TRAK1: variants seen among roughly 807,000 people sequenced by gnomAD.
TRAK1 encodes the protein trafficking kinesin-binding protein 1.
TRAK1 carries 33 observed loss-of-function variants against 92.1 expected under a neutral mutation model. The ratio of observed to expected loss-of-function variants is 0.36; its 90% CI spans 0.27 to 0.48. The LOEUF (loss-of-function observed/expected upper bound fraction) is 0.48, where lower values mean the gene tolerates loss of function less well. Ranked by LOEUF, TRAK1 falls within the 20% of genes least tolerant of loss-of-function variation. The pLI is 0.99. For missense variants in TRAK1, 1,123 were observed against 1,257.9 expected (o/e 0.89, Z 1.62); for synonymous variants, 521 against 517.3 (o/e 1.01, Z -0.10).
At chr3:42,019,110 TAAAAAA>T (rs1701638386) in intron 1 of TRAK1, among the ~76,000 whole-genome samples, 1 of 151,068 alleles carries the variant, frequency 6.6e-6, no homozygotes, top group South Asian at 2.1e-4. Context: ...AACAGAGTAT[TAAAAAA>T]GAAAAAGAAA....
intron 2 of TRAK1, among the ~76,000 whole-genome samples, chr3:42,132,794 C>T (rs1010816308): frequency 5.9e-5 from 9 of 152,170 alleles, no homozygotes; most frequent in Admixed American, 3.9e-4. Flanking sequence ...ATGTTGGTGA[C>T]TGCCAAATGT....
At chr3:42,064,348 A>G (rs1420584044) in intron 1 of TRAK1, among the ~76,000 whole-genome samples, 5 of 142,552 alleles carry the variant, frequency 3.5e-5, no homozygotes, top group African/African-American at 1.3e-4. Flanking sequence ...TCAAATGAAT[A>G]AATAAATAGA....
intron 1 of TRAK1, among the ~76,000 whole-genome samples, chr3:42,092,368 G>C (rs1705185951): frequency 6.6e-6 from 1 of 152,150 alleles, no homozygotes; most frequent in Non-Finnish European, 1.5e-5. Context: ...TCAGTTTTAG[G>C]CTTTAAAACA....
At chr3:42,184,239 A>C (rs779474855) in intron 3 of TRAK1, among the ~76,000 whole-genome samples, 1 of 152,224 alleles carries the variant, frequency 6.6e-6, no homozygotes. Flanking sequence ...TCTTGGCTTC[A>C]TTGTCAGAGC....
intron 2 of TRAK1, among the ~76,000 whole-genome samples, chr3:42,132,759 C>T (rs1052272539): frequency 2.6e-5 from 4 of 152,120 alleles, no homozygotes; most frequent in Non-Finnish European, 5.9e-5. Context: ...TATATCCTCT[C>T]TCCCAAGGCT....
At chr3:42,141,020 G>A (rs1273705906) in intron 2 of TRAK1, among the ~76,000 whole-genome samples, 1 of 152,218 alleles carries the variant, frequency 6.6e-6, no homozygotes, top group Non-Finnish European at 1.5e-5. Flanking sequence ...CTGATCACCT[G>A]TGAGGCATGG....
intron 1 of TRAK1, among the ~76,000 whole-genome samples, chr3:42,054,530 G>T (rs2148917811): frequency 6.6e-6 from 1 of 152,268 alleles, no homozygotes; most frequent in Non-Finnish European, 1.5e-5. Context: ...GCCAGACCAA[G>T]AACCAAGGAC....
At chr3:42,190,672 A>G (rs774412659) in intron 6 of TRAK1, among the ~76,000 whole-genome samples, 7 of 152,114 alleles carry the variant, frequency 4.6e-5, no homozygotes, top group Non-Finnish European at 8.8e-5. Context: ...CTGAAGTGTA[A>G]TGATTTTCTG....
Position 42,126,332 on chromosome 3 carries a change from G to T in TRAK1, c.286+718G>T, listed in dbSNP as rs547038231. On this transcript the variant is annotated intron_variant, in intron 2 of 15. Coordinates refer to ENST00000327628, the MANE Select transcript of TRAK1 (RefSeq NM_001042646.3). ...AATATGTGTACCAAGGCTGATAACT[G>T]TTGTGTGAAAGCTCACTAAGCTGGA... 1.2e-4 allele frequency among the ~76,000 whole-genome samples: 19 copies of T among 152,216 alleles called. No individual in the cohort carries two copies. The East Asian group carries it at 2.1e-3, about 17-fold the overall frequency.
chr3:42,210,079 CG>C, intron 14 of TRAK1, 94 bp downstream of exon 14: 1 of 1,587,106 alleles, frequency 6.3e-7, no homozygotes, highest in Non-Finnish European at 8.5e-7. Context: ...GAGCCGCCAG[CG>C]GCCACGGAGG....
intron 2 of TRAK1, chr3:42,149,212 A>G (rs1427457648): frequency 2.6e-6 from 3 of 1,157,550 alleles, no homozygotes; most frequent in African/African-American, 3.2e-5. Context: ...AGGCGTCTGG[A>G]TAGGACGATC....
At chr3:42,043,619 G>T (rs867975399) in intron 1 of TRAK1, among the ~76,000 whole-genome samples, 63 of 151,476 alleles carry the variant, frequency 4.2e-4, no homozygotes, top group Admixed American at 2.0e-3. Context: ...TGGAGCTGGG[G>T]GGGGGGCGGG....
intron 2 of TRAK1, chr3:42,160,165 G>A: frequency 7.8e-7 from 1 of 1,280,048 alleles, no homozygotes; most frequent in Non-Finnish European, 9.9e-7. Flanking sequence ...TCCGGGTCCT[G>A]CCCGGGTGAT....
chr3:42,047,558 C>T (rs887701062), intron 1 of TRAK1, among the ~76,000 whole-genome samples: 1 of 150,456 alleles, frequency 6.6e-6, no homozygotes, highest in Non-Finnish European at 1.5e-5. Context: ...TTAAGATTTA[C>T]TTTTTCTAAT....
At chr3:42,132,591 T>G in intron 2 of TRAK1, among the ~76,000 whole-genome samples, 1 of 152,158 alleles carries the variant, frequency 6.6e-6, no homozygotes, top group East Asian at 1.9e-4. Context: ...TATTTTATAT[T>G]GTTTTTTTCC....
chr3:42,174,670 A>T (rs1050210666), intron 2 of TRAK1, among the ~76,000 whole-genome samples: 2 of 148,818 alleles, frequency 1.3e-5, no homozygotes, highest in African/African-American at 4.9e-5. Context: ...TACACACAAA[A>T]TTTTTATATA....
chr3:42,132,269 T>C (rs2149174429), intron 2 of TRAK1, among the ~76,000 whole-genome samples: 1 of 148,658 alleles, frequency 6.7e-6, no homozygotes, highest in African/African-American at 2.5e-5. Flanking sequence ...TTTGGTGTAT[T>C]TTTTTTTTTT....
chr3:42,117,109 G>A (rs1709261882), intron 1 of TRAK1, among the ~76,000 whole-genome samples: 1 of 152,192 alleles, frequency 6.6e-6, no homozygotes, highest in African/African-American at 2.4e-5. Flanking sequence ...TGTGAGTGGC[G>A]GCTGCCCCCC....
chr3:42,135,592 A>G (rs1276000769), intron 2 of TRAK1, among the ~76,000 whole-genome samples: 1 of 152,164 alleles, frequency 6.6e-6, no homozygotes, highest in Non-Finnish European at 1.5e-5. Context: ...CCAAAAAAAC[A>G]TGAAAAGTCT....
Sources: allele counts gnomAD v4.1 joint callset (sites outside exome capture counted in the v4.1 genomes callset), GRCh38; gene constraint gnomAD v4.1.1; transcripts MANE v1.5; gene names NCBI Gene and HGNC (gene_info 2026-07-23, HGNC 2026-07-21).